Variants in CACNA2D1 observed in about 807,000 individuals in gnomAD.
CACNA2D1 encodes calcium voltage-gated channel auxiliary subunit alpha2delta 1.
Under a neutral mutation model 171.5 loss-of-function variants are expected in CACNA2D1, and 53 were observed. The observed-to-expected ratio is 0.31, with a 90% CI of 0.25 to 0.39. The LOEUF is 0.39. Among genes scored for constraint, CACNA2D1 ranks in the 10% least tolerant of loss-of-function variants. The pLI, the probability that CACNA2D1 is intolerant of heterozygous loss-of-function variation, is 1.00. For missense variants in CACNA2D1, 903 were observed against 1,299.8 expected (o/e 0.69, Z 4.69); for synonymous variants, 442 against 443.1 (o/e 1.00, Z 0.03).
At chr7:81,980,282 T>C (rs575027911) in intron 24 of CACNA2D1, among the ~76,000 whole-genome samples, 9 of 148,260 alleles carry the variant, frequency 6.1e-5, no homozygotes, top group Non-Finnish European at 1.3e-4. Context: ...GACAGGGCCA[T>C]GTAGCAAGTG....
chr7:82,003,805 C>A (rs1171642892), intron 18 of CACNA2D1, among the ~76,000 whole-genome samples: 1 of 147,814 alleles, frequency 6.8e-6, no homozygotes, highest in African/African-American at 2.5e-5. Context: ...AGTGCAATGG[C>A]GTGGTCTCGG....
In CACNA2D1 at chr7:82,228,625, A is replaced by C. The variant is rs140708822; in HGVS notation, c.295-58016T>G. On this transcript the variant is annotated intron_variant, in intron 3 of 38. Transcript: ENST00000356860. ...GAAGTATTTAATTGCTATGAGCTTT[A>C]GTTTTCTAATCTTTGAAAGAGAGGC... Among the ~76,000 whole-genome samples the C allele has an allele frequency of 8.5e-3, 1,293 of 152,302 alleles. 17 individuals carry two copies. Among genetic ancestry groups the C allele is most frequent in the African/African-American group, 0.03 (1,230 of 41,574 alleles).
chr7:82,314,311 T>C (rs1175062690), intron 3 of CACNA2D1, among the ~76,000 whole-genome samples: 1 of 152,210 alleles, frequency 6.6e-6, no homozygotes, highest in Non-Finnish European at 1.5e-5. Flanking sequence ...GAACTCAACT[T>C]GTATTCACAA....
intron 1 of CACNA2D1, among the ~76,000 whole-genome samples, chr7:82,353,197 A>G (rs570500375): frequency 6.6e-6 from 1 of 152,216 alleles, no homozygotes; most frequent in East Asian, 1.9e-4. Context: ...AAAGAAGGGG[A>G]GGCCAAGTAC....
rs191499508 is a variant in CACNA2D1 at position 81,996,964 on chromosome 7, C to T, written c.1662+215G>A. Among the ~76,000 whole-genome samples, 243 of 152,100 alleles carry T rather than the reference C, an allele frequency of 1.6e-3. 5 individuals carry two copies. The East Asian group carries it at 0.018, about 11-fold the overall frequency. ...TTAGGAAGAGAAAGAAGACTAAGGTCGAACCCAACTTAAACATTTATTCCT... is the reference window on the plus strand; with the variant it reads ...TTAGGAAGAGAAAGAAGACTAAGGTTGAACCCAACTTAAACATTTATTCCT... On this transcript the variant is annotated intron_variant, in intron 19 of 38. Transcript: ENST00000356860.
intron 3 of CACNA2D1, among the ~76,000 whole-genome samples, chr7:82,301,392 T>G (rs62463040): frequency 0.32 from 48,723 of 152,078 alleles, 7,981 homozygotes; most frequent in Non-Finnish European, 0.35. Context: ...CCCAAAGTGC[T>G]GGGATTATAA....
At chr7:82,054,541 G>T (rs944691121) in intron 10 of CACNA2D1, among the ~76,000 whole-genome samples, 26 of 152,200 alleles carry the variant, frequency 1.7e-4, no homozygotes, top group Admixed American at 1.7e-3. Flanking sequence ...TCTCTGCCTT[G>T]TTTTAATTCC....
At chr7:82,335,889 A>G (rs1817933620) in intron 2 of CACNA2D1, among the ~76,000 whole-genome samples, 1 of 152,200 alleles carries the variant, frequency 6.6e-6, no homozygotes, top group Admixed American at 6.5e-5. Flanking sequence ...CTAGGTGCCA[A>G]AAGAAAAATT....
intron 3 of CACNA2D1, among the ~76,000 whole-genome samples, chr7:82,327,364 T>C (rs998678781): frequency 7.9e-5 from 12 of 152,162 alleles, no homozygotes; most frequent in African/African-American, 2.9e-4. Context: ...ACGTATATCT[T>C]ATTACAGGAG....
intron 1 of CACNA2D1, among the ~76,000 whole-genome samples, chr7:82,440,676 AC>A (rs1830434153): frequency 6.6e-6 from 1 of 151,884 alleles, no homozygotes; most frequent in South Asian, 2.1e-4. Flanking sequence ...CAGGTTAACT[AC>A]TACTTTAATC....
intron 3 of CACNA2D1, among the ~76,000 whole-genome samples, chr7:82,186,278 GGAAGGAAGGAAA>G (rs370498404): frequency 1.3e-5 from 2 of 150,920 alleles, no homozygotes; most frequent in African/African-American, 4.9e-5. Context: ...AAGGAAGGAA[GGAAGGAAGGAAA>G]GAAAGGTGGG....
intron 3 of CACNA2D1, among the ~76,000 whole-genome samples, chr7:82,327,369 C>T (rs530780065): frequency 6.6e-6 from 1 of 152,248 alleles, no homozygotes; most frequent in East Asian, 1.9e-4. Context: ...TATCTTATTA[C>T]AGGAGGAAAA....
rs577138213 is a variant in CACNA2D1, at chr7:82,316,326, G to C, written c.294+18809C>G. On this transcript the variant is annotated intron_variant, in intron 3 of 38. Transcript: ENST00000356860. ...CTTGGGTGTATGTCCTTGATAACTC[G>C]ATTATTTCCTTTCATTACTTACTGC... 2.8e-4 allele frequency among the ~76,000 whole-genome samples: 43 copies of C among 152,144 alleles called. 1 individual carries two copies. The highest frequency in any genetic ancestry group is 3.4e-3 in the Middle Eastern group (1 of 292).
In CACNA2D1 at chr7:82,005,851, G is replaced by C. The variant is rs559623642; in HGVS notation, c.1441-12C>G. 38 of 1,563,364 alleles carry C rather than the reference G, an allele frequency of 2.4e-5. No homozygotes were observed. The East Asian group carries it at 8.3e-4, about 34-fold the overall frequency. The stretch of plus-strand genomic sequence containing the variant: ...AGAATCAGCTGGTTCTATAATAAGA[G>C]GGCAAAAAATGGCATTTTATGTCAA... On this transcript the variant is annotated splice_polypyrimidine_tract_variant and intron_variant, in intron 16 of 38. Coordinates refer to ENST00000356860, the MANE Select transcript of CACNA2D1 (RefSeq NM_000722.4).
At chr7:82,156,697 C>T (rs527350841) in intron 4 of CACNA2D1, among the ~76,000 whole-genome samples, 2 of 151,468 alleles carry the variant, frequency 1.3e-5, no homozygotes, top group East Asian at 1.9e-4. Context: ...AGATATTAAA[C>T]GTTTTTTTAA....
chr7:82,075,712 T>C (rs1808880801), intron 7 of CACNA2D1, among the ~76,000 whole-genome samples: 1 of 148,816 alleles, frequency 6.7e-6, no homozygotes, highest in Non-Finnish European at 1.5e-5. Flanking sequence ...TAAAAGTTTA[T>C]ATTTAGCATA....
chr7:82,177,688 C>T (rs1428731097), intron 3 of CACNA2D1, among the ~76,000 whole-genome samples: 1 of 152,004 alleles, frequency 6.6e-6, no homozygotes, highest in Non-Finnish European at 1.5e-5. Flanking sequence ...TTAATACAAA[C>T]CTACCTATTC....
intron 6 of CACNA2D1, among the ~76,000 whole-genome samples, chr7:82,111,922 C>A (rs1024287855): frequency 6.6e-6 from 1 of 151,852 alleles, no homozygotes; most frequent in African/African-American, 2.4e-5. Flanking sequence ...ATCAATAAAT[C>A]AAAATATTTG....
chr7:82,053,889 C>A (rs1213700912), intron 10 of CACNA2D1, among the ~76,000 whole-genome samples: 1 of 152,172 alleles, frequency 6.6e-6, no homozygotes, highest in African/African-American at 2.4e-5. Flanking sequence ...TTAGCTCACA[C>A]ATTCAAACCA....
Sources: allele counts gnomAD v4.1 joint callset (sites outside exome capture counted in the v4.1 genomes callset), GRCh38; gene constraint gnomAD v4.1.1; transcripts MANE v1.5; gene names NCBI Gene and HGNC (gene_info 2026-07-23, HGNC 2026-07-21).